The following CCDC85A variants were observed in gnomAD, a reference collection of about 807,000 sequenced individuals.
CCDC85A encodes the protein coiled-coil domain-containing protein 85A.
CCDC85A carries 38 observed loss-of-function variants against 50.2 expected under a neutral mutation model. The observed-to-expected ratio is 0.76, with a 90% CI of 0.58 to 0.99. The LOEUF (loss-of-function observed/expected upper bound fraction) is 0.99, where lower values mean the gene tolerates loss of function less well. Ranked by LOEUF, CCDC85A falls within the 50% of genes least tolerant of loss-of-function variation. The pLI is 0.00. For missense variants in CCDC85A, 820 were observed against 742.0 expected (o/e 1.11, Z -1.22); for synonymous variants, 366 against 301.4 (o/e 1.21, Z -2.22).
At chr2:56,275,181 C>A (rs186611545) in intron 2 of CCDC85A, among the ~76,000 whole-genome samples, 1 of 152,158 alleles carries the variant, frequency 6.6e-6, no homozygotes, top group Non-Finnish European at 1.5e-5. Flanking sequence ...CACCATGAAT[C>A]TGTTATATTA....
chr2:56,200,566 G>A (rs1306874652), intron 2 of CCDC85A, among the ~76,000 whole-genome samples: 1 of 152,172 alleles, frequency 6.6e-6, no homozygotes, highest in Non-Finnish European at 1.5e-5. Context: ...TCTTTAGAGT[G>A]CCGTTCAAGT....
chr2:56,214,239 C>T (rs1677303315), intron 2 of CCDC85A, among the ~76,000 whole-genome samples: 1 of 151,886 alleles, frequency 6.6e-6, no homozygotes, highest in Non-Finnish European at 1.5e-5. Context: ...TCATTTCTCT[C>T]ATTTGTAAGA....
chr2:56,340,139 A>G (rs906265708), intron 2 of CCDC85A, among the ~76,000 whole-genome samples: 29 of 152,342 alleles, frequency 1.9e-4, no homozygotes, highest in African/African-American at 5.5e-4. Flanking sequence ...GCTCTAAGCT[A>G]GTCAGAGATG....
chr2:56,255,712 A>G (rs1479468815), intron 2 of CCDC85A, among the ~76,000 whole-genome samples: 7 of 152,142 alleles, frequency 4.6e-5, no homozygotes, highest in Admixed American at 2.6e-4. Context: ...GAAAGAAATG[A>G]TGGAATCATG....
chr2:56,239,411 G>C (rs1181470016), intron 2 of CCDC85A, among the ~76,000 whole-genome samples: 1 of 152,000 alleles, frequency 6.6e-6, no homozygotes, highest in Admixed American at 6.6e-5. Context: ...TTACTCTGTA[G>C]GGTTAATCTG....
intron 2 of CCDC85A, among the ~76,000 whole-genome samples, chr2:56,229,284 G>A (rs1489209915): frequency 6.6e-6 from 1 of 152,172 alleles, no homozygotes; most frequent in Non-Finnish European, 1.5e-5. Context: ...TTAAGACGTA[G>A]ACTTATGTCT....
intron 2 of CCDC85A, among the ~76,000 whole-genome samples, chr2:56,274,374 G>T (rs1324344831): frequency 6.6e-6 from 1 of 152,140 alleles, no homozygotes; most frequent in Non-Finnish European, 1.5e-5. Flanking sequence ...GAAATTTTTA[G>T]GGCTGGCTGG....
chr2:56,246,080 A>C (rs535589716), intron 2 of CCDC85A, among the ~76,000 whole-genome samples: 1 of 152,268 alleles, frequency 6.6e-6, no homozygotes, highest in Non-Finnish European at 1.5e-5. Flanking sequence ...ATGTGCCACC[A>C]TCCCTGGCTA....
intron 1 of CCDC85A, among the ~76,000 whole-genome samples, chr2:56,190,567 A>G (rs1327211711): frequency 2.6e-5 from 4 of 152,196 alleles, no homozygotes; most frequent in South Asian, 4.1e-4. Context: ...TGGACCTTCT[A>G]TAGAATGGTG....
intron 2 of CCDC85A, among the ~76,000 whole-genome samples, chr2:56,226,112 A>C (rs1005402719): frequency 2.0e-5 from 3 of 152,200 alleles, no homozygotes; most frequent in Admixed American, 6.5e-5. Context: ...TCTTGCATTC[A>C]GGGCATGTGT....
At chr2:56,306,364 G>C (rs867646537) in intron 2 of CCDC85A, among the ~76,000 whole-genome samples, 12 of 152,100 alleles carry the variant, frequency 7.9e-5, no homozygotes, top group Non-Finnish European at 1.3e-4. Context: ...CTGACCTCAG[G>C]TGGTCCACCT....
chr2:56,379,853 G>A, intron 5 of CCDC85A: 1 of 934,428 alleles, frequency 1.1e-6, no homozygotes, highest in African/African-American at 1.8e-5. Context: ...TGCAATGTAA[G>A]TTTAATGTGC....
At chr2:56,186,600 G>T (rs993453955) in intron 1 of CCDC85A, among the ~76,000 whole-genome samples, 2 of 152,170 alleles carry the variant, frequency 1.3e-5, no homozygotes, top group Non-Finnish European at 2.9e-5. Flanking sequence ...TTCTTCCATG[G>T]TCTGAACAAT....
At chr2:56,284,564 A>G (rs13403550) in intron 2 of CCDC85A, among the ~76,000 whole-genome samples, 13,630 of 151,814 alleles carry the variant, frequency 0.09, 1,995 homozygotes, top group African/African-American at 0.31. Context: ...GTAGAGATGG[A>G]GTTTCACCAT....
At chr2:56,242,610 C>T (rs1669311746) in intron 2 of CCDC85A, among the ~76,000 whole-genome samples, 1 of 152,134 alleles carries the variant, frequency 6.6e-6, no homozygotes, top group African/African-American at 2.4e-5. Flanking sequence ...AAGTCCCCAC[C>T]TCCAACACTG....
chr2:56,278,001 T>G (rs1411913707), intron 2 of CCDC85A, among the ~76,000 whole-genome samples: 1 of 152,152 alleles, frequency 6.6e-6, no homozygotes, highest in Non-Finnish European at 1.5e-5. Flanking sequence ...TGAGCATGTG[T>G]GAACATGGGG....
chr2:56,311,091 T>C (rs932359248), intron 2 of CCDC85A, among the ~76,000 whole-genome samples: 2 of 152,202 alleles, frequency 1.3e-5, no homozygotes, highest in Non-Finnish European at 2.9e-5. Flanking sequence ...TTTTGACTTA[T>C]GACATAAGCT....
intron 3 of CCDC85A, among the ~76,000 whole-genome samples, chr2:56,370,249 C>T (rs903480409): frequency 2.6e-5 from 4 of 152,116 alleles, no homozygotes; most frequent in African/African-American, 4.8e-5. Context: ...AGGCTTCTTA[C>T]GTTTTATGAA....
chr2:56,206,131 A>G (rs1010863717), intron 2 of CCDC85A, among the ~76,000 whole-genome samples: 3 of 152,132 alleles, frequency 2.0e-5, no homozygotes, highest in Non-Finnish European at 2.9e-5. Flanking sequence ...ATAATTTTGG[A>G]AAGTGAGTCA....
Sources: allele counts gnomAD v4.1 joint callset (sites outside exome capture counted in the v4.1 genomes callset), GRCh38; gene constraint gnomAD v4.1.1; transcripts MANE v1.5; gene names NCBI Gene and HGNC (gene_info 2026-07-23, HGNC 2026-07-21).